MCTP2: variants seen among roughly 807,000 people sequenced by gnomAD.
The protein encoded by MCTP2 is multiple C2 and transmembrane domain-containing protein 2.
Under a neutral mutation model 111.6 loss-of-function variants are expected in MCTP2, and 132 were observed. The observed-to-expected ratio is 1.18, with a 90% CI of 1.03 to 1.37. The LOEUF (loss-of-function observed/expected upper bound fraction) is 1.37, where lower values mean the gene tolerates loss of function less well. MCTP2 is among the 40% of genes most tolerant of loss of function. The pLI is 0.00. For missense variants in MCTP2, 1,183 were observed against 1,067.9 expected (o/e 1.11, Z -1.50); for synonymous variants, 395 against 387.7 (o/e 1.02, Z -0.22).
intron 1 of MCTP2, among the ~76,000 whole-genome samples, chr15:94,272,865 T>A (rs191306747): frequency 6.6e-6 from 1 of 152,326 alleles, no homozygotes; most frequent in African/African-American, 2.4e-5. Flanking sequence ...CTTGGCAATG[T>A]CATCCATTAC....
At chr15:94,312,974 C>T (rs1174267323) in intron 2 of MCTP2, among the ~76,000 whole-genome samples, 1 of 152,158 alleles carries the variant, frequency 6.6e-6, no homozygotes, top group African/African-American at 2.4e-5. Context: ...CAGGTGGTCA[C>T]TGTGCATGGA....
At chr15:94,347,567 T>C (rs2078051009) in intron 8 of MCTP2, among the ~76,000 whole-genome samples, 1 of 152,206 alleles carries the variant, frequency 6.6e-6, no homozygotes, top group South Asian at 2.1e-4. Flanking sequence ...GATTTCAATA[T>C]AGTAAATACA....
chr15:94,419,892 A>G (rs2152492805), intron 17 of MCTP2, among the ~76,000 whole-genome samples: 1 of 152,284 alleles, frequency 6.6e-6, no homozygotes, highest in African/African-American at 2.4e-5. Context: ...ACTAAACAAC[A>G]GATTTTCAAT....
intron 1 of MCTP2, among the ~76,000 whole-genome samples, chr15:94,277,191 T>G (rs989543975): frequency 1.3e-5 from 2 of 152,114 alleles, no homozygotes; most frequent in South Asian, 4.1e-4. Context: ...ACTACAAAAT[T>G]ATGAGATACC....
At chr15:94,255,193 A>G (rs2072688193) in intron 1 of MCTP2, among the ~76,000 whole-genome samples, 1 of 152,236 alleles carries the variant, frequency 6.6e-6, no homozygotes, top group African/African-American at 2.4e-5. Context: ...GAGATGACCC[A>G]TCTAATTGGG....
At chr15:94,296,122 C>A (rs2075265542) in intron 1 of MCTP2, among the ~76,000 whole-genome samples, 3 of 152,144 alleles carry the variant, frequency 2.0e-5, no homozygotes, top group Non-Finnish European at 4.4e-5. Flanking sequence ...CCATTTCTTA[C>A]AGATTCCTCC....
chr15:94,305,433 C>G (rs1203978427), intron 2 of MCTP2, among the ~76,000 whole-genome samples: 7 of 152,084 alleles, frequency 4.6e-5, no homozygotes, highest in Admixed American at 4.6e-4. Flanking sequence ...GTAAGAGCAC[C>G]ATAGTCTACT....
intron 12 of MCTP2, among the ~76,000 whole-genome samples, chr15:94,380,172 T>C (rs548958665): frequency 4.7e-4 from 72 of 152,234 alleles, no homozygotes; most frequent in African/African-American, 1.6e-3. Context: ...GGTAAGAGCA[T>C]ACATATATTG....
chr15:94,464,200 G>C (rs2085380801), intron 20 of MCTP2, among the ~76,000 whole-genome samples: 1 of 128,868 alleles, frequency 7.8e-6, no homozygotes, highest in African/African-American at 3.0e-5. Flanking sequence ...TTTTCCTTTG[G>C]AGATGATTTT....
chr15:94,365,572 TCA>T (rs1187636325), intron 10 of MCTP2, among the ~76,000 whole-genome samples: 2 of 152,230 alleles, frequency 1.3e-5, no homozygotes, highest in African/African-American at 2.4e-5. Flanking sequence ...AGGAAAATTT[TCA>T]CAGTTATTCC....
At chr15:94,333,099 G>A (rs759795992) in intron 4 of MCTP2, among the ~76,000 whole-genome samples, 1 of 152,174 alleles carries the variant, frequency 6.6e-6, no homozygotes, top group Admixed American at 6.5e-5. Context: ...GCCGGGCCTG[G>A]TGGCGGGCAT....
At chr15:94,338,892 A>G (rs920397078) in intron 4 of MCTP2, among the ~76,000 whole-genome samples, 15 of 152,174 alleles carry the variant, frequency 9.9e-5, no homozygotes, top group Admixed American at 9.8e-4. Flanking sequence ...TGAATCAGCC[A>G]TCTGGCTAAA....
At chr15:94,269,843 C>T (rs1327932166) in intron 1 of MCTP2, among the ~76,000 whole-genome samples, 2 of 152,072 alleles carry the variant, frequency 1.3e-5, no homozygotes, top group South Asian at 2.1e-4. Flanking sequence ...AATTGTGTTC[C>T]AACTCTGATA....
chr15:94,383,802 C>T (rs962061023), intron 12 of MCTP2, among the ~76,000 whole-genome samples: 4 of 152,142 alleles, frequency 2.6e-5, no homozygotes, highest in Admixed American at 2.0e-4. Context: ...CCGTATCAGG[C>T]GGTGTGTTTG....
At chr15:94,236,823 T>G (rs2070603066) in intron 1 of MCTP2, among the ~76,000 whole-genome samples, 1 of 152,106 alleles carries the variant, frequency 6.6e-6, no homozygotes, top group Non-Finnish European at 1.5e-5. Flanking sequence ...GGAAAGGCGC[T>G]CATAAGTTAT....
chr15:94,289,428 G>T (rs2074932317), intron 1 of MCTP2, among the ~76,000 whole-genome samples: 1 of 152,112 alleles, frequency 6.6e-6, no homozygotes, highest in Non-Finnish European at 1.5e-5. Flanking sequence ...GAAAAACTAA[G>T]AGAATTTGGA....
chr15:94,415,370 G>A (rs1207188073), intron 17 of MCTP2, among the ~76,000 whole-genome samples: 1 of 152,020 alleles, frequency 6.6e-6, no homozygotes, highest in Non-Finnish European at 1.5e-5. Context: ...AGCAATAAGA[G>A]ATGTTATTTA....
intron 17 of MCTP2, among the ~76,000 whole-genome samples, chr15:94,411,929 A>G (rs2082170779): frequency 6.6e-6 from 1 of 152,114 alleles, no homozygotes; most frequent in South Asian, 2.1e-4. Flanking sequence ...GCTCTTTAAA[A>G]TTTCTGTTTT....
intron 19 of MCTP2, among the ~76,000 whole-genome samples, chr15:94,449,190 T>A (rs1157320799): frequency 6.6e-6 from 1 of 152,076 alleles, no homozygotes; most frequent in Non-Finnish European, 1.5e-5. Flanking sequence ...GAATAATAAA[T>A]TAAAACAAGG....
Sources: allele counts gnomAD v4.1 joint callset (sites outside exome capture counted in the v4.1 genomes callset), GRCh38; gene constraint gnomAD v4.1.1; transcripts MANE v1.5; gene names NCBI Gene and HGNC (gene_info 2026-07-23, HGNC 2026-07-21).